Variants in CDH3 observed in about 807,000 individuals in gnomAD.
CDH3 encodes cadherin-3.
CDH3 carries 54 observed loss-of-function variants against 82.0 expected under a neutral mutation model. The ratio of observed to expected loss-of-function variants is 0.66; its 90% CI spans 0.53 to 0.83. The LOEUF (loss-of-function observed/expected upper bound fraction) is 0.83. Among genes scored for constraint, CDH3 ranks in the 40% least tolerant of loss-of-function variants. The pLI is 0.00. For synonymous variants in CDH3, 446 were observed against 437.9 expected (o/e 1.02, Z -0.23); for missense variants, 1,054 against 1,084.6 (o/e 0.97, Z 0.40).
chr16:68,670,687 T>C (rs1960862785), intron 2 of CDH3, among the ~76,000 whole-genome samples: 1 of 152,202 alleles, frequency 6.6e-6, no homozygotes, highest in African/African-American at 2.4e-5. Context: ...CATAAATACC[T>C]AATAAGTTAA....
At position 68,658,147 on chromosome 16, in the gene CDH3, G is replaced by A. The variant is rs930715969; in HGVS notation, c.160+12397G>A. On this transcript the variant is annotated intron_variant, in intron 2 of 15. Coordinates refer to ENST00000264012, the MANE Select transcript of CDH3 (RefSeq NM_001793.6). ...ACTCCTGGCCTCAAGTGATCCACCC[G>A]CCTCAGCACCCCAAAGTTGGGATTT... 1.4e-4 allele frequency among the ~76,000 whole-genome samples: 20 copies of A among 143,012 alleles called. No individual in the cohort carries two copies. In the South Asian group the frequency reaches 2.6e-3, roughly 18 times the overall value. The allele number at this position is 143,012 out of a possible 152,430, so 93.8% of individuals were successfully genotyped here. A position where few individuals can be genotyped will look rare whatever the true frequency, so the allele number is the denominator to read the frequency against.
chr16:68,698,146 A>C lies in CDH3; in HGVS notation c.2281-45A>C, dbSNP rs3114409. The C allele has an allele frequency of 0.27, 419,076 of 1,577,346 alleles. 56,972 individuals are homozygous for C. Among genetic ancestry groups the C allele is most frequent in the Admixed American group, 0.28 (16,921 of 59,790 alleles). On this transcript the variant is annotated intron_variant, in intron 15 of 15. Transcript: ENST00000264012. ...GAAATGGAGGCTTGCAGCTGGCAAG[A>C]GGCAGGACCCGCCGCTCCTAACTAC...
chr16:68,697,315 T>C (rs1961757201), intron 15 of CDH3, among the ~76,000 whole-genome samples: 1 of 146,342 alleles, frequency 6.8e-6, no homozygotes, highest in South Asian at 2.2e-4. Flanking sequence ...CAAAGGGAGA[T>C]TCCATCTTTA....
intron 13 of CDH3, among the ~76,000 whole-genome samples, chr16:68,694,622 C>CAA (rs11328814): frequency 7.1e-6 from 1 of 141,660 alleles, no homozygotes; most frequent in Admixed American, 7.1e-5. Flanking sequence ...GACTCTGTCT[C>CAA]AAAAAAAAAA....
chr16:68,694,793 A>C (rs1961669168), intron 13 of CDH3, among the ~76,000 whole-genome samples: 1 of 152,200 alleles, frequency 6.6e-6, no homozygotes, highest in Non-Finnish European at 1.5e-5. Context: ...TCCCATCCCG[A>C]CATCCCGACG....
chr16:68,675,737 T>G (rs1191113083), intron 2 of CDH3, among the ~76,000 whole-genome samples: 1 of 151,046 alleles, frequency 6.6e-6, no homozygotes, highest in Non-Finnish European at 1.5e-5. Context: ...GAGGTTGCTT[T>G]GAGCTGAGAT....
chr16:68,672,298 AC>A (rs1329111706), intron 2 of CDH3, among the ~76,000 whole-genome samples: 3 of 150,890 alleles, frequency 2.0e-5, no homozygotes, highest in Non-Finnish European at 4.4e-5. Flanking sequence ...GTGCATAGTT[AC>A]ATGTATTATA....
chr16:68,688,926 G>A (rs550919146), intron 12 of CDH3, among the ~76,000 whole-genome samples: 12 of 152,244 alleles, frequency 7.9e-5, no homozygotes, highest in Admixed American at 1.3e-4. Flanking sequence ...GGCCTATCAG[G>A]ATTTTAATCT....
chr16:68,698,100 G>GAGAGAGGGGCTCAC, intron 15 of CDH3, 91 bp from the exon 16 acceptor site: 1 of 1,133,382 alleles, frequency 8.8e-7, no homozygotes, highest in Non-Finnish European at 1.3e-6. Flanking sequence ...TAGGGGAGGG[G>GAGAGAGGGGCTCAC]AGAGAGGGGC....
chr16:68,695,407 G>A (rs1382867500), intron 14 of CDH3, 22 bp downstream of exon 14: 1 of 1,595,146 alleles, frequency 6.3e-7, no homozygotes, highest in Non-Finnish European at 8.5e-7. Context: ...GGGGCTCTGG[G>A]ATTGGGAGGT....
downstream of CDH3, among the ~76,000 whole-genome samples, chr16:68,727,793 C>T (rs991534399): frequency 6.6e-6 from 1 of 151,980 alleles, no homozygotes; most frequent in African/African-American, 2.4e-5. Flanking sequence ...CCTGTAATCC[C>T]AGCTACTCAG....
downstream of CDH3, among the ~76,000 whole-genome samples, chr16:68,729,389 G>A (rs944987030): frequency 2.6e-5 from 4 of 152,146 alleles, no homozygotes; most frequent in African/African-American, 9.7e-5. Context: ...TTTTAAAGAA[G>A]TCTGTAAGTC....
At chr16:68,673,722 C>A (rs555437522) in intron 2 of CDH3, among the ~76,000 whole-genome samples, 2 of 152,140 alleles carry the variant, frequency 1.3e-5, no homozygotes, top group South Asian at 4.2e-4. Flanking sequence ...GCCAGGAGTT[C>A]GAGACCAGCC....
chr16:68,695,272 C>CT lies in CDH3; in HGVS notation c.2024dup (p.Leu675PhefsTer19). On this transcript the variant is annotated frameshift_variant, in exon 14 of 16. Transcript: ENST00000264012. LOFTEE classifies it high-confidence loss of function. ...CCTTGCAGTCCTCCTGCTGGTGCTG[C>CT]TTTTGTTGGTGAGAAAGAAGCGGAA... 6.2e-7 allele frequency: 1 copy of CT among 1,614,108 alleles called. No homozygotes were observed. Among genetic ancestry groups the CT allele is most frequent in the Non-Finnish European group, 8.5e-7 (1 of 1,180,028 alleles).
intron 1 of CDH3, among the ~76,000 whole-genome samples, chr16:68,711,891 C>T (rs1413659634): frequency 6.6e-6 from 1 of 151,920 alleles, no homozygotes; most frequent in Non-Finnish European, 1.5e-5. Context: ...TGGGTGCAGC[C>T]CAGGGATGGA....
intron 2 of CDH3, among the ~76,000 whole-genome samples, chr16:68,649,309 A>G (rs1960172963): frequency 6.6e-6 from 1 of 152,186 alleles, no homozygotes; most frequent in Non-Finnish European, 1.5e-5. Flanking sequence ...AAGTTCAATA[A>G]TGCATCTGAC....
At chr16:68,690,132 G>A (rs1048851897) in intron 12 of CDH3, among the ~76,000 whole-genome samples, 3 of 152,164 alleles carry the variant, frequency 2.0e-5, no homozygotes, top group Non-Finnish European at 4.4e-5. Flanking sequence ...GCTGGGCCTG[G>A]CTTCTGCTCT....
chr16:68,724,806 A>G (rs1567466200), intron 2 of CDH3, among the ~76,000 whole-genome samples: 3 of 152,140 alleles, frequency 2.0e-5, no homozygotes, highest in Admixed American at 2.0e-4. Flanking sequence ...ACACTAAGAA[A>G]ATGAAGTATT....
chr16:68,703,007 A>G (rs531559721), downstream of CDH3, among the ~76,000 whole-genome samples: 8 of 152,188 alleles, frequency 5.3e-5, no homozygotes, highest in South Asian at 1.0e-3. Context: ...CCTCCCTGAC[A>G]TTTTACAGAT....
Sources: allele counts gnomAD v4.1 joint callset (sites outside exome capture counted in the v4.1 genomes callset), GRCh38; gene constraint gnomAD v4.1.1; transcripts MANE v1.5; gene names NCBI Gene and HGNC (gene_info 2026-07-23, HGNC 2026-07-21).